Variants in TNIK observed in about 807,000 individuals in gnomAD.
TNIK encodes TRAF2 and NCK-interacting protein kinase.
Under a neutral mutation model 191.3 loss-of-function variants are expected in TNIK, and 49 were observed. That is an observed-to-expected ratio of 0.26 (90% CI 0.20 to 0.32). The LOEUF (loss-of-function observed/expected upper bound fraction) is 0.32, where lower values mean the gene tolerates loss of function less well. TNIK is among the 10% of genes least tolerant of loss of function. TNIK has a pLI of 1.00. For missense variants in TNIK, 1,155 were observed against 1,702.3 expected, an observed-to-expected ratio of 0.68 and a Z score of 5.66; for synonymous variants, 594 against 600.9, an observed-to-expected ratio of 0.99 and a Z score of 0.17.
At chr3:171,328,339 A>G (rs964195007) in intron 2 of TNIK, among the ~76,000 whole-genome samples, 1 of 152,182 alleles carries the variant, frequency 6.6e-6, no homozygotes, top group African/African-American at 2.4e-5. Context: ...TTTGTTATTC[A>G]AACCACCCAG....
At chr3:171,219,141 ATAT>A (rs566831054) in intron 3 of TNIK, among the ~76,000 whole-genome samples, 10 of 134,088 alleles carry the variant, frequency 7.5e-5, no homozygotes, top group Non-Finnish European at 1.1e-4. Flanking sequence ...TTATAAATAT[ATAT>A]TATAAAATAT....
intron 1 of TNIK, among the ~76,000 whole-genome samples, chr3:171,424,366 C>A (rs753436218): frequency 2.6e-5 from 4 of 152,172 alleles, no homozygotes; most frequent in Non-Finnish European, 5.9e-5. Context: ...GAAATAGGAA[C>A]ACTTTTACAC....
intron 1 of TNIK, among the ~76,000 whole-genome samples, chr3:171,431,825 A>G (rs1725426825): frequency 6.6e-6 from 1 of 152,204 alleles, no homozygotes; most frequent in African/African-American, 2.4e-5. Flanking sequence ...GTCACCCACC[A>G]AAAGGCTGCC....
intron 15 of TNIK, among the ~76,000 whole-genome samples, chr3:171,136,094 G>A (rs1276818987): frequency 6.6e-6 from 1 of 152,188 alleles, no homozygotes; most frequent in African/African-American, 2.4e-5. Context: ...TGGTACATTT[G>A]TGCATGAGGG....
intron 2 of TNIK, among the ~76,000 whole-genome samples, chr3:171,258,945 GCA>G (rs1217812760): frequency 6.6e-6 from 1 of 152,016 alleles, no homozygotes; most frequent in Non-Finnish European, 1.5e-5. Flanking sequence ...ACATGTGCGC[GCA>G]CACACACGCA....
chr3:171,418,381 A>T (rs529542222), intron 1 of TNIK, among the ~76,000 whole-genome samples: 10 of 152,218 alleles, frequency 6.6e-5, no homozygotes, highest in Non-Finnish European at 1.2e-4. Context: ...ACACATAAAA[A>T]GTTGTACACA....
chr3:171,338,120 A>G (rs1047751441), intron 2 of TNIK, among the ~76,000 whole-genome samples: 2 of 152,144 alleles, frequency 1.3e-5, no homozygotes, highest in African/African-American at 4.8e-5. Context: ...TTGCGGGAAG[A>G]TATCTTCCTC....
intron 21 of TNIK, among the ~76,000 whole-genome samples, chr3:171,103,336 A>G (rs1423767426): frequency 6.6e-6 from 1 of 152,204 alleles, no homozygotes. Flanking sequence ...ACCATAACAT[A>G]GGTATAATGT....
rs1390804174 is a variant in TNIK at position 171,066,331 on chromosome 3, CA to C, written c.3860-6del. The stretch of plus-strand genomic sequence containing the variant: ...TCTGATTGGAATGAATGTAGGCTGT[CA>C]AAAGGAATTTCCAAAACTGCATTAA... On this transcript the variant is annotated splice_polypyrimidine_tract_variant and splice_region_variant and intron_variant, in intron 31 of 32. Transcript: ENST00000436636. 6.2e-7 allele frequency: 1 copy of C among 1,609,834 alleles called. No homozygotes were observed. Among genetic ancestry groups the C allele is most frequent in the Admixed American group, 1.7e-5 (1 of 59,810 alleles).
intron 22 of TNIK, among the ~76,000 whole-genome samples, chr3:171,099,375 ATTT>A (rs35357404): frequency 6.9e-6 from 1 of 145,668 alleles, no homozygotes; most frequent in Non-Finnish European, 1.5e-5. Flanking sequence ...TTACCTCAGG[ATTT>A]TTTTTTTTTT....
intron 2 of TNIK, among the ~76,000 whole-genome samples, chr3:171,265,282 A>G (rs545729702): frequency 2.0e-5 from 3 of 152,346 alleles, no homozygotes; most frequent in Admixed American, 2.0e-4. Context: ...ATTTCAAATA[A>G]TAGGAGAAAA....
Position 171,304,208 on chromosome 3 carries a change from C to T in TNIK, c.123+65412G>A, listed in dbSNP as rs1274469693. On this transcript the variant is annotated intron_variant, in intron 2 of 32. Coordinates refer to ENST00000436636, the MANE Select transcript of TNIK (RefSeq NM_015028.4). ...TGCCTGCTGCTAGGTCAGCAGGTGC[C>T]AAGAATGTGAAAGCCCCACAAGGAA... 2.6e-5 allele frequency among the ~76,000 whole-genome samples: 4 copies of T among 152,032 alleles called. No individual in the cohort carries two copies. In the East Asian group the frequency reaches 7.7e-4, roughly 29 times the overall value.
chr3:171,414,560 G>A (rs575140021), intron 1 of TNIK, among the ~76,000 whole-genome samples: 3 of 152,186 alleles, frequency 2.0e-5, no homozygotes, highest in African/African-American at 4.8e-5. Flanking sequence ...ATAACCAGGG[G>A]GTTTATCTCA....
intron 1 of TNIK, among the ~76,000 whole-genome samples, chr3:171,429,791 A>G (rs1039808777): frequency 4.6e-5 from 7 of 152,102 alleles, no homozygotes; most frequent in African/African-American, 1.7e-4. Context: ...TTGCCCATCA[A>G]GGTCTTGCTG....
chr3:171,183,716 A>T (rs1308969337), intron 7 of TNIK, among the ~76,000 whole-genome samples: 3 of 152,140 alleles, frequency 2.0e-5, no homozygotes, highest in East Asian at 1.9e-4. Flanking sequence ...AGGTCAGGAG[A>T]TCAAGACCAG....
In TNIK at chr3:171,338,770, C is replaced by T. The variant is rs538013146; in HGVS notation, c.123+30850G>A. ...CACTTGCCTTGGCCTCCCAAAGTGC[C>T]GGGATTACAGGTATCAACCACCATG... On this transcript the variant is annotated intron_variant, in intron 2 of 32. Coordinates refer to ENST00000436636, the MANE Select transcript of TNIK (RefSeq NM_015028.4). 3.8e-4 allele frequency among the ~76,000 whole-genome samples: 58 copies of T among 151,888 alleles called. 1 individual carries two copies. The South Asian group carries it at 0.011, about 29-fold the overall frequency.
rs569234047 is a variant in TNIK, at chr3:171,069,039, G to C, written c.3550-42C>G. 7.8e-5 allele frequency: 122 copies of C among 1,565,306 alleles called. 1 individual carries two copies. In the South Asian group the frequency reaches 1.5e-3, roughly 19 times the overall value. ...ATTAGTATCCGCATCACTCAAAGAG[G>C]CATCTTAATTTTTTTCCTTTAGCCA... is the stretch of plus-strand genomic sequence containing the variant. On this transcript the variant is annotated intron_variant, in intron 29 of 32. Coordinates refer to ENST00000436636, the MANE Select transcript of TNIK (RefSeq NM_015028.4).
intron 2 of TNIK, among the ~76,000 whole-genome samples, chr3:171,315,149 AGAAAGGG>A (rs1754467194): frequency 1.3e-5 from 2 of 152,180 alleles, no homozygotes; most frequent in Non-Finnish European, 2.9e-5. Context: ...CTTTGAAAGC[AGAAAGGG>A]AAGAGTTGCC....
intron 3 of TNIK, among the ~76,000 whole-genome samples, chr3:171,221,123 C>A (rs978857237): frequency 6.6e-6 from 1 of 152,114 alleles, no homozygotes; most frequent in Non-Finnish European, 1.5e-5. Flanking sequence ...AATTGAAGCA[C>A]TGAAAATAGC....
Sources: allele counts gnomAD v4.1 joint callset (sites outside exome capture counted in the v4.1 genomes callset), GRCh38; gene constraint gnomAD v4.1.1; transcripts MANE v1.5; gene names NCBI Gene and HGNC (gene_info 2026-07-23, HGNC 2026-07-21).